The following KIF5B variants were observed in gnomAD, a reference collection of about 807,000 sequenced individuals.
The protein encoded by KIF5B is kinesin family member 5B.
Under a neutral mutation model 132.8 loss-of-function variants are expected in KIF5B, and 49 were observed. That is an observed-to-expected ratio of 0.37 (90% CI 0.29 to 0.47). KIF5B has a LOEUF of 0.47. KIF5B is among the 20% of genes least tolerant of loss of function. The pLI, the probability that KIF5B is intolerant of heterozygous loss-of-function variation, is 1.00. For missense variants in KIF5B, 780 were observed against 1,144.0 expected, an observed-to-expected ratio of 0.68 and a Z score of 4.59; for synonymous variants, 355 against 369.4, an observed-to-expected ratio of 0.96 and a Z score of 0.45.
intron 1 of KIF5B, among the ~76,000 whole-genome samples, chr10:32,050,403 T>C (rs1841678431): frequency 1.3e-5 from 2 of 152,160 alleles, no homozygotes; most frequent in Non-Finnish European, 2.9e-5. Context: ...AGAAGGGTGT[T>C]GTTATCCTGA....
At chr10:32,053,319 T>C (rs1841715958) in intron 1 of KIF5B, among the ~76,000 whole-genome samples, 4 of 152,078 alleles carry the variant, frequency 2.6e-5, no homozygotes, top group Admixed American at 2.6e-4. Flanking sequence ...ATGTCGTTAC[T>C]ATATGCAAGA....
chr10:32,040,142 T>G (rs1397293812), intron 3 of KIF5B, among the ~76,000 whole-genome samples: 1 of 152,206 alleles, frequency 6.6e-6, no homozygotes, highest in Admixed American at 6.5e-5. Flanking sequence ...AAAATGTTAT[T>G]TATTTTATGG....
rs565119148 is a variant in KIF5B, at chr10:32,041,376, C to A, written c.215-919G>T. ...TTAATTAAGAAACAAATTTTAAATT[C>A]CACTGCTTATAATAAAGAATCTCTT... On this transcript the variant is annotated intron_variant, in intron 2 of 25. Coordinates refer to ENST00000302418, the MANE Select transcript of KIF5B (RefSeq NM_004521.3). 2.0e-5 allele frequency among the ~76,000 whole-genome samples: 3 copies of A among 152,244 alleles called. No individual in the cohort carries two copies. The South Asian group carries it at 6.2e-4, about 32-fold the overall frequency.
chr10:32,022,335 T>C, intron 16 of KIF5B, 78 bp from the exon 17 acceptor site: 1 of 719,564 alleles, frequency 1.4e-6, no homozygotes, highest in Non-Finnish European at 2.4e-6. Context: ...AAACATTTCA[T>C]TATCTATATA....
Position 32,015,554 on chromosome 10 carries a change from C to A in KIF5B, c.2867G>T (p.Arg956Leu). 1 of 1,613,104 alleles carries A rather than the reference C, an allele frequency of 6.2e-7. No homozygotes were observed. ...TTACACTTGTTTGCCTCCTCCACCT[C>A]GCACTGCCACTGGCTGGCTGTTCTG... Reference protein sequence around the residue: ...FVQNSQPVAVRGGGGKQV With the variant: ...FVQNSQPVAVLGGGGKQV The change falls in exon 25 of 26, where the codon CGA becomes CTA. Residue 956 changes from arginine (R) to leucine (L), a missense_variant. Transcript: ENST00000302418.
chr10:32,056,289 G>T lies in KIF5B; in HGVS notation c.-316C>A. Reference sequence around the variant, plus strand: ...GTCTGGGCGGACTGCGGGGGCTGGGGAGGTTCTGGGGACCGGGAGAGTGGC... The same window carrying T: ...GTCTGGGCGGACTGCGGGGGCTGGGTAGGTTCTGGGGACCGGGAGAGTGGC... On this transcript the variant is annotated 5_prime_UTR_variant, in exon 1 of 26. Coordinates refer to ENST00000302418, the MANE Select transcript of KIF5B (RefSeq NM_004521.3). 3.0e-6 allele frequency: 1 copy of T among 333,504 alleles called. No homozygotes were observed. Among genetic ancestry groups the T allele is most frequent in the Admixed American group, 5.2e-5 (1 of 19,074 alleles). 20.7% of individuals were successfully genotyped at this position (333,504 alleles called of 1,614,324 possible). A position where few individuals can be genotyped will look rare whatever the true frequency, so the allele number is the denominator to read the frequency against.
At position 32,023,023 on chromosome 10, in the gene KIF5B, G is replaced by C. The variant is rs761442393; in HGVS notation, c.1739C>G (p.Thr580Ser). 2 of 1,580,328 alleles carry C rather than the reference G, an allele frequency of 1.3e-6. No individual in the cohort carries two copies. Among genetic ancestry groups the C allele is most frequent in the East Asian group, 2.3e-5 (1 of 44,334 alleles). Residue 580 changes from threonine to serine, a missense_variant, in exon 16 of 26, where the codon ACT (threonine) becomes AGT (serine). Around this residue, in one of 9 missense-constraint regions of KIF5B, gnomAD observed 471 missense variants for 569.9 expected, o/e 0.83. Transcript: ENST00000302418. ...GNNDVKQPEG[T>S]GMIDEEFTVA... Reference sequence around the variant, plus strand: ...AGTGAACTCTTCATCTATCATGCCAGTTCCCTCAGGCTGCTGTAAGGAAAA... The same window carrying C: ...AGTGAACTCTTCATCTATCATGCCACTTCCCTCAGGCTGCTGTAAGGAAAA...
chr10:32,037,763 G>A (rs560082180), intron 6 of KIF5B, among the ~76,000 whole-genome samples, 156 bp from the exon 7 acceptor site: 51 of 152,210 alleles, frequency 3.4e-4, no homozygotes, highest in African/African-American at 1.1e-3. Context: ...AGCCTGGGAG[G>A]CAAAGGTTGC....
chr10:32,050,427 C>G (rs573139256), intron 1 of KIF5B, among the ~76,000 whole-genome samples: 1 of 152,208 alleles, frequency 6.6e-6, no homozygotes, highest in Non-Finnish European at 1.5e-5. Flanking sequence ...AAAGGACCAT[C>G]TCAGCTAAAA....
intron 25 of KIF5B, among the ~76,000 whole-genome samples, chr10:32,011,897 C>A (rs912837628): frequency 6.6e-6 from 1 of 151,024 alleles, no homozygotes; most frequent in South Asian, 2.1e-4. Context: ...GGAACACTAA[C>A]CAGCAACTAC....
rs948179268 is a variant in KIF5B at position 32,011,080 on chromosome 10, T to C, written c.*457A>G. 6.6e-6 allele frequency: 1 copy of C among 152,054 alleles called. No homozygotes were observed. Among genetic ancestry groups the C allele is most frequent in the Non-Finnish European group, 1.5e-5 (1 of 67,994 alleles). 9.4% of individuals were successfully genotyped at this position (152,054 alleles called of 1,614,324 possible). Reference sequence around the variant, plus strand: ...AAAGACATTTAACCTAAATGTTCCATTTTCTCTTAAGAAAAAAAAAGGAAG... The same window carrying C: ...AAAGACATTTAACCTAAATGTTCCACTTTCTCTTAAGAAAAAAAAAGGAAG... On this transcript the variant is annotated 3_prime_UTR_variant, in exon 26 of 26. Transcript: ENST00000302418.
intron 13 of KIF5B, 36 bp from the exon 14 acceptor site, chr10:32,031,315 T>C (rs1018713775): frequency 1.3e-6 from 2 of 1,550,548 alleles, no homozygotes; most frequent in African/African-American, 2.7e-5. Flanking sequence ...TCCCCAAAAG[T>C]ATACAGGTTT....
At chr10:32,018,001 A>G (rs1238317295) in intron 23 of KIF5B, 51 bp downstream of exon 23, 3 of 1,009,028 alleles carry the variant, frequency 3.0e-6, no homozygotes, top group Non-Finnish European at 4.4e-6. Context: ...CCAATCCTCA[A>G]TTTTTGATTT....
At chr10:32,030,973 C>A in intron 14 of KIF5B, 100 bp downstream of exon 14, 1 of 788,520 alleles carries the variant, frequency 1.3e-6, no homozygotes, top group Non-Finnish European at 2.0e-6. Context: ...TTGATGTTAT[C>A]GATATTTGAC....
chr10:32,013,949 CTTAA>C (rs1416081442), intron 25 of KIF5B, among the ~76,000 whole-genome samples: 16 of 152,166 alleles, frequency 1.1e-4, no homozygotes, highest in Middle Eastern at 3.2e-3. Flanking sequence ...CAGAATATTT[CTTAA>C]TTCTCTACTC....
chr10:32,033,910 T>G lies in KIF5B; in HGVS notation c.1240A>C (p.Thr414Pro), dbSNP rs1461216865. The G allele has an allele frequency of 6.2e-7, 1 of 1,613,282 alleles. No individual in the cohort carries two copies. The change falls in exon 12 of 26, where the codon ACT (threonine) becomes CCT (proline). Residue 414 changes from threonine to proline, a missense_variant. Thr to Pro is a conservative substitution (Grantham distance 38, BLOSUM62 -1). This residue lies in a region of KIF5B where 471 missense variants were observed against 569.9 expected (regional missense o/e 0.83). Transcript: ENST00000302418. Reference sequence around the variant, plus strand: ...TCACACTTTCTTCTTTCAGCATCAGTAAAATTTCCTATAACTCCAATTGCG... The same window carrying G: ...TCACACTTTCTTCTTTCAGCATCAGGAAAATTTCCTATAACTCCAATTGCG... ...ATAIGVIGNF[T>P]DAERRKCEEE...
chr10:32,027,533 C>T (rs540433939), intron 15 of KIF5B, among the ~76,000 whole-genome samples: 4 of 151,814 alleles, frequency 2.6e-5, no homozygotes, highest in East Asian at 1.9e-4. Context: ...ATTAAGAAAG[C>T]AGTGCTCATC....
rs985829774 is a variant in KIF5B, at chr10:32,009,259, T to A, written c.*2278A>T. On this transcript the variant is annotated 3_prime_UTR_variant, in exon 26 of 26. Coordinates refer to ENST00000302418, the MANE Select transcript of KIF5B (RefSeq NM_004521.3). ...TAAGTTAGGCAAATAATTTAATTAA[T>A]CGCCATGAATAAATATTCTCTTTAT... 6.6e-6 allele frequency: 1 copy of A among 152,188 alleles called. No homozygotes were observed. The highest frequency in any genetic ancestry group is 2.4e-5 in the African/African-American group (1 of 41,440). The allele number at this position is 152,188 out of a possible 1,614,324, so 9.4% of individuals were successfully genotyped here.
chr10:32,031,252 C>T lies in KIF5B; in HGVS notation c.1402G>A (p.Asp468Asn). Residue 468 changes from aspartate (D) to asparagine (N), a missense_variant, in exon 14 of 26, where the codon GAC (aspartate) becomes AAC (asparagine). By Grantham distance (23) the Asp-to-Asn change is conservative. Around this residue, in one of 9 missense-constraint regions of KIF5B, gnomAD observed 471 missense variants for 569.9 expected, o/e 0.83. Coordinates refer to ENST00000302418, the MANE Select transcript of KIF5B (RefSeq NM_004521.3). ...ELLASTRRDQ[D>N]NMQAELNRLQ... ...CGATTCAGCTCAGCTTGCATATTGT[C>T]TTGATCCCTTCTGGTAGATGCCAAA... 6.2e-7 allele frequency: 1 copy of T among 1,613,946 alleles called. No homozygotes were observed.
Sources: gnomAD v4.1 joint callset for allele counts (sites outside exome capture counted in the v4.1 genomes callset) on GRCh38, gnomAD v4.1.1 for gene constraint, gnomAD v4.1.1 regional missense constraint, MANE v1.5 for transcripts, NCBI Gene and HGNC (gene_info 2026-07-23, HGNC 2026-07-21) for gene names.